Variants in SPMIP4 observed in about 807,000 individuals in gnomAD.
SPMIP4 encodes the protein sperm microtubule inner protein 4, also known as sperm-associated microtubule inner protein 4.
At chr7:25,140,345 A>G in the SPMIP4 span, among the ~76,000 whole-genome samples, 1 of 152,184 alleles carries the variant, frequency 6.6e-6, no homozygotes, top group Admixed American at 6.5e-5. Flanking sequence ...TCTGTTGCCC[A>G]GGCTGGAGTG....
the SPMIP4 span, among the ~76,000 whole-genome samples, chr7:25,147,728 T>G: frequency 1.4e-4 from 21 of 152,360 alleles, 1 homozygote; most frequent in Admixed American, 1.4e-3. Flanking sequence ...AACAAAGTAT[T>G]ATAACCATTG....
the SPMIP4 span, among the ~76,000 whole-genome samples, chr7:25,159,647 T>C: frequency 6.6e-6 from 1 of 152,248 alleles, no homozygotes; most frequent in South Asian, 2.1e-4. Flanking sequence ...ATGTAAGCCA[T>C]ATAAATTTAT....
the SPMIP4 span, among the ~76,000 whole-genome samples, chr7:25,176,371 C>G: frequency 6.6e-6 from 1 of 152,188 alleles, no homozygotes; most frequent in Non-Finnish European, 1.5e-5. The surrounding 1 kb of genome is among the most constrained non-coding windows in gnomAD (Gnocchi z 4.4). Context: ...ATTCCCAGAT[C>G]ACACACAATC....
chr7:25,170,932 A>G, the SPMIP4 span, among the ~76,000 whole-genome samples: 1 of 152,218 alleles, frequency 6.6e-6, no homozygotes, highest in Non-Finnish European at 1.5e-5. Flanking sequence ...TGGTTCTCAA[A>G]GAGTGGTCCC....
chr7:25,150,088 C>T, the SPMIP4 span, among the ~76,000 whole-genome samples: 65 of 152,084 alleles, frequency 4.3e-4, no homozygotes, highest in East Asian at 1.9e-4. Flanking sequence ...GTGGGTGGGG[C>T]CAGGCTGCAG....
chr7:25,147,822 A>G, the SPMIP4 span, among the ~76,000 whole-genome samples: 2 of 152,206 alleles, frequency 1.3e-5, no homozygotes. Context: ...TGTGTATTTC[A>G]TTCTCAGGAC....
chr7:25,150,162 T>C, the SPMIP4 span, among the ~76,000 whole-genome samples: 1 of 152,092 alleles, frequency 6.6e-6, no homozygotes, highest in African/African-American at 2.4e-5. Flanking sequence ...GGATTTACAC[T>C]CAGGCAGAGG....
the SPMIP4 span, among the ~76,000 whole-genome samples, chr7:25,143,879 G>A: frequency 3.3e-5 from 5 of 152,124 alleles, no homozygotes; most frequent in Non-Finnish European, 7.4e-5. Flanking sequence ...TTATAGACAT[G>A]AGCTACCATG....
At chr7:25,151,493 G>A in the SPMIP4 span, 1 of 710,394 alleles carries the variant, frequency 1.4e-6, no homozygotes, top group African/African-American at 1.8e-5. Context: ...TAAGTGCTGG[G>A]ATTATGGGCA....
the SPMIP4 span, among the ~76,000 whole-genome samples, chr7:25,150,434 A>T: frequency 6.6e-6 from 1 of 152,190 alleles, no homozygotes; most frequent in East Asian, 1.9e-4. Context: ...GAAATGACTT[A>T]CTTTATAGAT....
the SPMIP4 span, chr7:25,155,195 A>C: frequency 6.6e-7 from 1 of 1,513,108 alleles, no homozygotes; most frequent in African/African-American, 1.4e-5. Flanking sequence ...AGATCTCTCT[A>C]AGATTTATTG....
the SPMIP4 span, among the ~76,000 whole-genome samples, chr7:25,141,946 C>T: frequency 6.6e-6 from 1 of 152,108 alleles, no homozygotes; most frequent in Non-Finnish European, 1.5e-5. Flanking sequence ...CCATATTGGC[C>T]AGGCTGGTCT....
chr7:25,169,660 T>C, the SPMIP4 span, among the ~76,000 whole-genome samples: 1 of 152,164 alleles, frequency 6.6e-6, no homozygotes, highest in East Asian at 1.9e-4. Flanking sequence ...AGCCTCTACC[T>C]CACCTCAGGG....
chr7:25,157,065 AAAAG>A, the SPMIP4 span, among the ~76,000 whole-genome samples: 1 of 152,196 alleles, frequency 6.6e-6, no homozygotes, highest in African/African-American at 2.4e-5. Flanking sequence ...AAGGAAAAAA[AAAAG>A]AAAGCCAAAA....
At chr7:25,154,886 G>T in the SPMIP4 span, 2 of 889,420 alleles carry the variant, frequency 2.2e-6, no homozygotes, top group Non-Finnish European at 3.4e-6. Context: ...CTGTGAACAA[G>T]TTTCCTGATC....
At chr7:25,179,276 G>A in the SPMIP4 span, 10 of 1,613,494 alleles carry the variant, frequency 6.2e-6, no homozygotes, top group South Asian at 1.1e-5. Context: ...CAAGCTCCCT[G>A]CAACAGTAGG....
At chr7:25,177,811 A>T in the SPMIP4 span, among the ~76,000 whole-genome samples, 1 of 151,592 alleles carries the variant, frequency 6.6e-6, no homozygotes, top group Admixed American at 6.6e-5. Context: ...TTTTTTTTTT[A>T]AACTTTTTTT....
the SPMIP4 span, among the ~76,000 whole-genome samples, chr7:25,157,657 T>C: frequency 4.6e-5 from 7 of 152,172 alleles, no homozygotes; most frequent in African/African-American, 1.4e-4. Flanking sequence ...ATCCTAAAAA[T>C]TGTCAAGGTC....
the SPMIP4 span, chr7:25,125,938 G>T: frequency 1.0e-6 from 1 of 985,402 alleles, no homozygotes. Flanking sequence ...ACTGAGGAAG[G>T]TGCTGCATTT....
Sources: allele counts gnomAD v4.1 joint callset (sites outside exome capture counted in the v4.1 genomes callset), GRCh38; gene constraint gnomAD v4.1.1; non-coding constraint Gnocchi (gnomAD v3.1); transcripts MANE v1.5; gene names NCBI Gene and HGNC (gene_info 2026-07-23, HGNC 2026-07-21).